The following SPOCK1 variants were observed in gnomAD, a reference collection of about 807,000 sequenced individuals.
SPOCK1 encodes the protein testican-1.
A neutral mutation model predicts 55.3 loss-of-function variants in SPOCK1; 23 were observed. The observed-to-expected ratio is 0.42, with a 90% CI of 0.30 to 0.59. The LOEUF (loss-of-function observed/expected upper bound fraction) is 0.59, where lower values mean the gene tolerates loss of function less well. Ranked by LOEUF, SPOCK1 falls within the 20% of genes least tolerant of loss-of-function variation. The probability of loss-of-function intolerance (pLI) is 0.22; values close to 1 mark genes in which losing one functional copy is unlikely to be tolerated. For missense variants in SPOCK1, 499 were observed against 552.5 expected, an observed-to-expected ratio of 0.90 and a Z score of 0.97; for synonymous variants, 226 against 221.0, an observed-to-expected ratio of 1.02 and a Z score of -0.20.
chr5:137,208,891 C>G (rs1042318369), intron 3 of SPOCK1, among the ~76,000 whole-genome samples: 1 of 151,804 alleles, frequency 6.6e-6, no homozygotes, highest in Non-Finnish European at 1.5e-5. Context: ...AAAAATAAAA[C>G]TAAGCAGAAT....
intron 2 of SPOCK1, among the ~76,000 whole-genome samples, chr5:137,471,873 G>T (rs1341785364): frequency 6.6e-6 from 1 of 152,180 alleles, no homozygotes; most frequent in Non-Finnish European, 1.5e-5. Flanking sequence ...CCACAGCCTT[G>T]CAATCAGCAA....
At chr5:137,141,520 T>C (rs1754098363) in intron 3 of SPOCK1, among the ~76,000 whole-genome samples, 1 of 152,138 alleles carries the variant, frequency 6.6e-6, no homozygotes, top group South Asian at 2.1e-4. Flanking sequence ...AGTTACAACG[T>C]AACAGGGAGG....
At chr5:137,161,486 C>T (rs1210079378) in intron 3 of SPOCK1, among the ~76,000 whole-genome samples, 4 of 152,116 alleles carry the variant, frequency 2.6e-5, no homozygotes, top group Admixed American at 6.6e-5. Flanking sequence ...TGGGCTCCAA[C>T]GGAAGTAATT....
chr5:137,018,112 G>T lies in SPOCK1; in HGVS notation c.590-25512C>A, dbSNP rs1026372190. ...GAGACACTTTTGTCCTTCATAACTG[G>T]AACAGTGCTACCAGCATCTTGTGGG... On this transcript the variant is annotated intron_variant, in intron 6 of 10. Transcript: ENST00000394945. Among the ~76,000 whole-genome samples, 5 of 152,182 alleles carry T rather than the reference G, an allele frequency of 3.3e-5. No homozygotes were observed. The East Asian group carries it at 9.6e-4, about 29-fold the overall frequency.
At chr5:137,149,592 T>G (rs970396861) in intron 3 of SPOCK1, among the ~76,000 whole-genome samples, 3 of 152,234 alleles carry the variant, frequency 2.0e-5, no homozygotes, top group African/African-American at 7.2e-5. Context: ...CAGTCTATCT[T>G]TTGTACCTGT....
chr5:137,131,631 A>G (rs549964599), intron 4 of SPOCK1, among the ~76,000 whole-genome samples: 69 of 149,024 alleles, frequency 4.6e-4, no homozygotes, highest in African/African-American at 1.7e-3. Flanking sequence ...AAAGATGACG[A>G]CATCTTTGTG....
At chr5:137,296,484 G>A (rs1449751165) in intron 2 of SPOCK1, among the ~76,000 whole-genome samples, 3 of 152,246 alleles carry the variant, frequency 2.0e-5, no homozygotes, top group African/African-American at 4.8e-5. Context: ...TGGCATGGCC[G>A]ACTGAACGCG....
chr5:137,318,059 G>A (rs1757913760), intron 2 of SPOCK1, among the ~76,000 whole-genome samples: 1 of 152,148 alleles, frequency 6.6e-6, no homozygotes, highest in South Asian at 2.1e-4. Context: ...GAATTCACCA[G>A]ACACCTGCAA....
chr5:137,263,774 G>C (rs550055150), intron 3 of SPOCK1, among the ~76,000 whole-genome samples: 1 of 152,104 alleles, frequency 6.6e-6, no homozygotes, highest in East Asian at 1.9e-4. Flanking sequence ...CCTAATCTCA[G>C]GAAGAATTCT....
intron 2 of SPOCK1, among the ~76,000 whole-genome samples, chr5:137,325,566 T>TATAA (rs1758060192): frequency 6.6e-6 from 1 of 152,188 alleles, no homozygotes; most frequent in South Asian, 2.1e-4. Flanking sequence ...GGCAGTAACT[T>TATAA]TTAATTATAT....
intron 2 of SPOCK1, among the ~76,000 whole-genome samples, chr5:137,432,194 T>A (rs906072860): frequency 6.6e-6 from 1 of 152,188 alleles, no homozygotes; most frequent in Non-Finnish European, 1.5e-5. Flanking sequence ...AAAACAGCAC[T>A]GAGGTTCCTC....
chr5:137,418,381 C>T (rs1358280767), intron 2 of SPOCK1, among the ~76,000 whole-genome samples: 1 of 152,222 alleles, frequency 6.6e-6, no homozygotes, highest in African/African-American at 2.4e-5. Context: ...AATCGCCACA[C>T]TGACTTCCAT....
Position 137,352,991 on chromosome 5 carries a change from C to T in SPOCK1, c.187-85936G>A, listed in dbSNP as rs182658506. Reference sequence around the variant, plus strand: ...TTTGATGGCTATCATCTTTGCAGTTCTGGATTTACCAAGTACCACTGCAGT... The same window carrying T: ...TTTGATGGCTATCATCTTTGCAGTTTTGGATTTACCAAGTACCACTGCAGT... On this transcript the variant is annotated intron_variant, in intron 2 of 10. Coordinates refer to ENST00000394945, the MANE Select transcript of SPOCK1 (RefSeq NM_004598.4). 9.1e-4 allele frequency among the ~76,000 whole-genome samples: 138 copies of T among 151,874 alleles called. 1 individual carries two copies. Among genetic ancestry groups the T allele is most frequent in the Non-Finnish European group, 1.0e-3 (69 of 68,012 alleles).
At chr5:137,370,293 A>G (rs748246233) in intron 2 of SPOCK1, among the ~76,000 whole-genome samples, 3 of 152,178 alleles carry the variant, frequency 2.0e-5, no homozygotes, top group Non-Finnish European at 4.4e-5. Context: ...GCTGGTCATC[A>G]TGCCACGATC....
chr5:137,100,581 G>T (rs1354839010), intron 5 of SPOCK1, among the ~76,000 whole-genome samples: 2 of 152,148 alleles, frequency 1.3e-5, no homozygotes, highest in Non-Finnish European at 2.9e-5. Flanking sequence ...CAAACTGTTT[G>T]GGGTCACCAG....
intron 2 of SPOCK1, among the ~76,000 whole-genome samples, chr5:137,366,639 T>G (rs991061843): frequency 4.6e-5 from 7 of 152,232 alleles, no homozygotes; most frequent in Non-Finnish European, 8.8e-5. Context: ...AGTGAGTTAA[T>G]GCCATTTAAC....
At chr5:137,287,483 T>C (rs568317266) in intron 2 of SPOCK1, among the ~76,000 whole-genome samples, 1 of 152,190 alleles carries the variant, frequency 6.6e-6, no homozygotes, top group South Asian at 2.1e-4. Flanking sequence ...CTGGAAAAAA[T>C]ATACTCAGAA....
chr5:137,038,078 G>T lies in SPOCK1; in HGVS notation c.589+29637C>A, dbSNP rs577113954. On this transcript the variant is annotated intron_variant, in intron 6 of 10. Coordinates refer to ENST00000394945, the MANE Select transcript of SPOCK1 (RefSeq NM_004598.4). Reference sequence around the variant, plus strand: ...GAGCTGTCTCTCCCGTAAGTCTGTTGTGGGGGAACATGAAGCAAAAGCCTC... The same window carrying T: ...GAGCTGTCTCTCCCGTAAGTCTGTTTTGGGGGAACATGAAGCAAAAGCCTC... Among the ~76,000 whole-genome samples, 6 of 152,316 alleles carry T rather than the reference G, an allele frequency of 3.9e-5. No individual in the cohort carries two copies. In the East Asian group the frequency reaches 1.2e-3, roughly 29 times the overall value.
chr5:137,148,142 C>A (rs927221452), intron 3 of SPOCK1, among the ~76,000 whole-genome samples: 5 of 152,166 alleles, frequency 3.3e-5, no homozygotes, highest in African/African-American at 7.2e-5. Flanking sequence ...GAGACAATGA[C>A]AAGCCATGAC....
Sources: allele counts gnomAD v4.1 joint callset (sites outside exome capture counted in the v4.1 genomes callset), GRCh38; gene constraint gnomAD v4.1.1; transcripts MANE v1.5; gene names NCBI Gene and HGNC (gene_info 2026-07-23, HGNC 2026-07-21).